Variants in RBFOX1 observed in about 807,000 individuals in gnomAD.
The protein encoded by RBFOX1 is RNA binding fox-1 homolog 1, also known as RNA binding protein fox-1 homolog 1.
A neutral mutation model predicts 57.7 loss-of-function variants in RBFOX1; 8 were observed. The ratio of observed to expected loss-of-function variants is 0.14; its 90% CI spans 0.08 to 0.25. The LOEUF (loss-of-function observed/expected upper bound fraction) is 0.25, where lower values mean the gene tolerates loss of function less well. RBFOX1 is among the 10% of genes least tolerant of loss of function. RBFOX1 has a pLI of 1.00. For missense variants in RBFOX1, 611 were observed against 548.5 expected, an observed-to-expected ratio of 1.11 and a Z score of -1.14; for synonymous variants, 326 against 222.4, an observed-to-expected ratio of 1.47 and a Z score of -4.15.
chr16:5,717,460 A>G (rs1252302625), intron 3 of RBFOX1, among the ~76,000 whole-genome samples: 1 of 152,190 alleles, frequency 6.6e-6, no homozygotes, highest in Non-Finnish European at 1.5e-5. Flanking sequence ...TCACCCAAGC[A>G]GTGTGCACTG....
chr16:6,077,684 T>TTTTA (rs371733627), intron 1 of RBFOX1, among the ~76,000 whole-genome samples: 35 of 142,742 alleles, frequency 2.5e-4, no homozygotes, highest in African/African-American at 4.2e-4. Flanking sequence ...CTTCTTTTAT[T>TTTTA]TTTACTTATT....
intron 1 of RBFOX1, among the ~76,000 whole-genome samples, chr16:6,042,436 T>G (rs1225682531): frequency 6.6e-6 from 1 of 152,338 alleles, no homozygotes; most frequent in East Asian, 1.9e-4. Flanking sequence ...GTGATTATAC[T>G]GGACCTATCC....
At chr16:7,609,673 G>T (rs891569050) in intron 10 of RBFOX1, among the ~76,000 whole-genome samples, 3 of 152,156 alleles carry the variant, frequency 2.0e-5, no homozygotes, top group Admixed American at 2.0e-4. Context: ...TCCAAATGAG[G>T]ATACCAAAAT....
At chr16:5,945,029 C>T (rs569272535) in intron 4 of RBFOX1, among the ~76,000 whole-genome samples, 1 of 149,654 alleles carries the variant, frequency 6.7e-6, no homozygotes, top group East Asian at 2.0e-4. Context: ...ACCATTCTCA[C>T]CTCCCTTGCT....
chr16:7,520,318 G>A (rs2077264209), intron 5 of RBFOX1, among the ~76,000 whole-genome samples: 1 of 152,042 alleles, frequency 6.6e-6, no homozygotes, highest in South Asian at 2.1e-4. Flanking sequence ...CATTTCAATA[G>A]CATTCAGTGT....
chr16:7,493,850 G>A (rs576387810), intron 4 of RBFOX1, among the ~76,000 whole-genome samples: 2 of 152,306 alleles, frequency 1.3e-5, no homozygotes, highest in South Asian at 2.1e-4. Flanking sequence ...ACAATAGAAC[G>A]CTGATAAAAT....
intron 2 of RBFOX1, among the ~76,000 whole-genome samples, chr16:5,490,709 C>G (rs894432837): frequency 4.6e-5 from 7 of 152,198 alleles, no homozygotes; most frequent in Non-Finnish European, 1.0e-4. Context: ...CAGGCGGATT[C>G]CCGTGGACCA....
intron 15 of RBFOX1, 131 bp from the exon 16 acceptor site, chr16:7,710,492 C>G: frequency 6.5e-7 from 1 of 1,545,234 alleles, no homozygotes; most frequent in Non-Finnish European, 8.6e-7. Flanking sequence ...CAAGAATGAC[C>G]TGGGATGGGT....
At chr16:7,509,687 G>T (rs2074466832) in intron 4 of RBFOX1, among the ~76,000 whole-genome samples, 1 of 152,074 alleles carries the variant, frequency 6.6e-6, no homozygotes. Flanking sequence ...ACAAATTCAT[G>T]CTCTCTTGAT....
intron 3 of RBFOX1, among the ~76,000 whole-genome samples, chr16:7,027,367 T>C (rs1353673981): frequency 6.6e-6 from 1 of 152,234 alleles, no homozygotes; most frequent in Non-Finnish European, 1.5e-5. Context: ...AAGTATTTTT[T>C]AGATATAATC....
At chr16:6,838,296 G>A (rs1245926159) in intron 3 of RBFOX1, among the ~76,000 whole-genome samples, 1 of 152,034 alleles carries the variant, frequency 6.6e-6, no homozygotes, top group Non-Finnish European at 1.5e-5. Flanking sequence ...TTCTGTTCCT[G>A]TGATGGTTTG....
At chr16:7,425,752 C>T (rs528820726) in intron 4 of RBFOX1, among the ~76,000 whole-genome samples, 5 of 152,312 alleles carry the variant, frequency 3.3e-5, no homozygotes, top group South Asian at 2.1e-4. Context: ...CCTCTTTTAA[C>T]AAATCCTCCC....
At chr16:7,059,280 C>T (rs1009733100) in intron 4 of RBFOX1, among the ~76,000 whole-genome samples, 1 of 152,134 alleles carries the variant, frequency 6.6e-6, no homozygotes, top group Non-Finnish European at 1.5e-5. Flanking sequence ...AATGTAAGCC[C>T]CCCTTCTCCC....
intron 2 of RBFOX1, among the ~76,000 whole-genome samples, chr16:6,384,177 C>CA (rs2152922013): frequency 6.6e-6 from 1 of 151,356 alleles, no homozygotes; most frequent in East Asian, 2.0e-4. Flanking sequence ...CAAGGTTAAC[C>CA]ATGCTTTATG....
intron 3 of RBFOX1, among the ~76,000 whole-genome samples, chr16:6,901,684 G>C (rs1297569546): frequency 2.0e-5 from 3 of 152,172 alleles, no homozygotes; most frequent in Admixed American, 2.0e-4. Flanking sequence ...ATTTTCTGTT[G>C]TTTCTGCAGA....
chr16:6,887,719 C>T (rs189009437), intron 3 of RBFOX1, among the ~76,000 whole-genome samples: 5 of 151,596 alleles, frequency 3.3e-5, no homozygotes, highest in African/African-American at 9.7e-5. Context: ...TTGGAGTGCC[C>T]TGGTGCAATC....
At chr16:6,647,267 G>C (rs777463153) in intron 2 of RBFOX1, among the ~76,000 whole-genome samples, 12 of 152,060 alleles carry the variant, frequency 7.9e-5, no homozygotes, top group South Asian at 4.1e-4. Flanking sequence ...TTTTTGAGAT[G>C]GAATCTTGGT....
At chr16:5,244,726 T>A in intron 1 of RBFOX1, among the ~76,000 whole-genome samples, 1 of 152,178 alleles carries the variant, frequency 6.6e-6, no homozygotes, top group Admixed American at 6.5e-5. Flanking sequence ...AGTGGGAAAT[T>A]TTGGGAAGTT....
At chr16:6,226,504 C>T (rs1167471919) in intron 1 of RBFOX1, among the ~76,000 whole-genome samples, 1 of 152,008 alleles carries the variant, frequency 6.6e-6, no homozygotes, top group African/African-American at 2.4e-5. Context: ...TGCCCATGAC[C>T]ACTCATTGAA....
Sources: gnomAD v4.1 joint callset for allele counts (sites outside exome capture counted in the v4.1 genomes callset) on GRCh38, gnomAD v4.1.1 for gene constraint, MANE v1.5 for transcripts, NCBI Gene and HGNC (gene_info 2026-07-23, HGNC 2026-07-21) for gene names.